Variants in WWP1 observed in about 807,000 individuals in gnomAD.
The protein encoded by WWP1 is WW domain containing E3 ubiquitin protein ligase 1, also known as NEDD4-like E3 ubiquitin-protein ligase WWP1.
A neutral mutation model predicts 130.6 loss-of-function variants in WWP1; 49 were observed. That is an observed-to-expected ratio of 0.38 (90% CI 0.30 to 0.48). The LOEUF (loss-of-function observed/expected upper bound fraction) is 0.48. Ranked by LOEUF, WWP1 falls within the 20% of genes least tolerant of loss-of-function variation. The pLI, the probability that WWP1 is intolerant of heterozygous loss-of-function variation, is 0.99. For missense variants in WWP1, 809 were observed against 1,100.6 expected (o/e 0.74, Z 3.75); for synonymous variants, 332 against 367.8 (o/e 0.90, Z 1.11).
chr8:86,461,114 C>A, intron 22 of WWP1, 110 bp from the exon 23 acceptor site: 1 of 1,030,042 alleles, frequency 9.7e-7, no homozygotes, highest in Non-Finnish European at 1.4e-6. Flanking sequence ...CAACCTTTAG[C>A]ACATCTTTTG....
At chr8:86,351,522 G>T (rs7842293) in intron 1 of WWP1, among the ~76,000 whole-genome samples, 7,086 of 148,726 alleles carry the variant, frequency 0.048, 247 homozygotes, top group African/African-American at 0.094. Context: ...TTTTTTTTTA[G>T]TAGAGATGTT....
chr8:86,402,824 T>C (rs1262814900), intron 8 of WWP1, among the ~76,000 whole-genome samples: 1 of 152,232 alleles, frequency 6.6e-6, no homozygotes, highest in Non-Finnish European at 1.5e-5. Flanking sequence ...GAAAGAACTT[T>C]AGTTAATTCA....
rs376028240 is a variant in WWP1, at chr8:86,417,934, G to A, written c.1061+6060G>A. 7.2e-5 allele frequency among the ~76,000 whole-genome samples: 11 copies of A among 152,294 alleles called. No individual in the cohort carries two copies. In the East Asian group the frequency reaches 1.5e-3, roughly 21 times the overall value. ...TGTAAAGCTTGTATTTCAGTGGGAA[G>A]ACAAACAGTGGCCTTATGTAAAAAA... On this transcript the variant is annotated intron_variant, in intron 9 of 24. Coordinates refer to ENST00000517970, the MANE Select transcript of WWP1 (RefSeq NM_007013.4).
intron 1 of WWP1, among the ~76,000 whole-genome samples, chr8:86,355,244 G>A (rs1272719061): frequency 6.6e-6 from 1 of 152,186 alleles, no homozygotes; most frequent in Non-Finnish European, 1.5e-5. Context: ...ATAACTTTGA[G>A]TAATGATATC....
At chr8:86,359,531 C>T (rs528746096) in intron 1 of WWP1, among the ~76,000 whole-genome samples, 1 of 152,114 alleles carries the variant, frequency 6.6e-6, no homozygotes, top group African/African-American at 2.4e-5. Flanking sequence ...CCTACTTCAC[C>T]GAGAAAATTG....
chr8:86,396,337 G>A (rs984364654), intron 5 of WWP1, among the ~76,000 whole-genome samples: 173 of 152,264 alleles, frequency 1.1e-3, no homozygotes, highest in Non-Finnish European at 2.1e-3. Flanking sequence ...CAGATCTTGT[G>A]ATCCGCCCGC....
intron 7 of WWP1, among the ~76,000 whole-genome samples, chr8:86,400,731 GT>G (rs541115799): frequency 4.6e-5 from 7 of 152,224 alleles, no homozygotes; most frequent in Non-Finnish European, 1.0e-4. Flanking sequence ...TTTGAAGACT[GT>G]TCAGTATGTT....
At chr8:86,354,587 T>G (rs1327949252) in intron 1 of WWP1, among the ~76,000 whole-genome samples, 1 of 152,232 alleles carries the variant, frequency 6.6e-6, no homozygotes, top group Non-Finnish European at 1.5e-5. Context: ...GGAAGAGTAT[T>G]TGTAAATAGT....
At chr8:86,457,870 A>G (rs963608865) in intron 21 of WWP1, 51 bp from the exon 22 acceptor site, 11 of 1,551,820 alleles carry the variant, frequency 7.1e-6, no homozygotes, top group Admixed American at 1.7e-5. Flanking sequence ...TCATATAATT[A>G]TTCTCTTCAC....
intron 11 of WWP1, among the ~76,000 whole-genome samples, chr8:86,430,027 T>G (rs1195146146): frequency 6.6e-6 from 1 of 152,004 alleles, no homozygotes; most frequent in Non-Finnish European, 1.5e-5. Flanking sequence ...GGCAAAACCT[T>G]GTCTCTACAA....
At position 86,380,852 on chromosome 8, in the gene WWP1, A is replaced by G. The variant is rs1824942885; in HGVS notation, c.197A>G (p.Glu66Gly). Residue 66 changes from glutamate to glycine, a missense_variant, in exon 4 of 25, where the codon GAA becomes GGA. Glu to Gly is a moderately conservative substitution (Grantham distance 98). Around this residue, in one of 3 missense-constraint regions of WWP1, gnomAD observed 262 missense variants for 346.0 expected, o/e 0.76. Transcript: ENST00000517970. The stretch of plus-strand genomic sequence containing the variant: ...AGTTCTTCTAATCCAAAATGGGATG[A>G]ACAGCTAACTGTGTAAGTACCTTGT... Reference protein sequence around the residue: ...SSSSSNPKWDEQLTVNVTPQT... With the variant: ...SSSSSNPKWDGQLTVNVTPQT... 6.2e-7 allele frequency: 1 copy of G among 1,611,970 alleles called. No homozygotes were observed. The highest frequency in any genetic ancestry group is 1.3e-5 in the African/African-American group (1 of 75,006).
At chr8:86,449,567 CA>C (rs902293332) in intron 20 of WWP1, among the ~76,000 whole-genome samples, 1 of 152,104 alleles carries the variant, frequency 6.6e-6, no homozygotes, top group Admixed American at 6.5e-5. Context: ...AAATGCTGGA[CA>C]AAAAAACCAG....
intron 1 of WWP1, among the ~76,000 whole-genome samples, chr8:86,347,628 T>C (rs1822661906): frequency 6.6e-6 from 1 of 152,220 alleles, no homozygotes; most frequent in African/African-American, 2.4e-5. Context: ...GTAAGCATTG[T>C]ACCACAGAAT....
intron 7 of WWP1, among the ~76,000 whole-genome samples, chr8:86,400,339 A>G (rs192985563): frequency 7.3e-5 from 11 of 150,474 alleles, no homozygotes; most frequent in African/African-American, 2.5e-4. Flanking sequence ...TCTCGGGGGG[A>G]AAAAAATAAA....
At chr8:86,429,194 G>T (rs928419405) in intron 11 of WWP1, among the ~76,000 whole-genome samples, 11 of 152,226 alleles carry the variant, frequency 7.2e-5, no homozygotes, top group African/African-American at 2.7e-4. Context: ...AAGGGCAGAT[G>T]GCTCTGTTGT....
At chr8:86,457,214 A>T (rs1811495543) in intron 21 of WWP1, among the ~76,000 whole-genome samples, 1 of 151,992 alleles carries the variant, frequency 6.6e-6, no homozygotes. Context: ...TGTTCATTTC[A>T]TACATAAGTT....
intron 5 of WWP1, among the ~76,000 whole-genome samples, chr8:86,390,744 G>A (rs1018692339): frequency 1.3e-5 from 2 of 151,680 alleles, no homozygotes; most frequent in Non-Finnish European, 2.9e-5. Flanking sequence ...GAGGAGGAGC[G>A]GGAGGGAGAG....
chr8:86,347,845 A>G (rs1276172716), intron 1 of WWP1, among the ~76,000 whole-genome samples: 1 of 152,226 alleles, frequency 6.6e-6, no homozygotes, highest in Non-Finnish European at 1.5e-5. Context: ...TTTCCAAAAT[A>G]TATATAGATT....
intron 9 of WWP1, among the ~76,000 whole-genome samples, chr8:86,421,903 A>T (rs12155981): frequency 1.3e-5 from 2 of 152,018 alleles, no homozygotes; most frequent in Non-Finnish European, 2.9e-5. Context: ...CCTCTCTCAA[A>T]ATTTTGCAGA....
Sources: gnomAD v4.1 joint callset for allele counts (sites outside exome capture counted in the v4.1 genomes callset) on GRCh38, gnomAD v4.1.1 for gene constraint, gnomAD v4.1.1 regional missense constraint, MANE v1.5 for transcripts, NCBI Gene and HGNC (gene_info 2026-07-23, HGNC 2026-07-21) for gene names.